The following CDK17 variants were observed in gnomAD, a reference collection of about 807,000 sequenced individuals.
The protein encoded by CDK17 is cyclin-dependent kinase 17.
CDK17 carries 24 observed loss-of-function variants against 77.6 expected under a neutral mutation model. That is an observed-to-expected ratio of 0.31 (90% CI 0.22 to 0.44). CDK17 has a LOEUF of 0.44. CDK17 is among the 20% of genes least tolerant of loss of function. The pLI is 1.00. For missense variants in CDK17, 429 were observed against 622.5 expected (o/e 0.69, Z 3.31); for synonymous variants, 203 against 210.4 (o/e 0.96, Z 0.30).
intron 2 of CDK17, among the ~76,000 whole-genome samples, chr12:96,331,582 T>C (rs983674570): frequency 2.0e-5 from 3 of 152,218 alleles, no homozygotes; most frequent in Non-Finnish European, 2.9e-5. Flanking sequence ...ATTTGATTTA[T>C]AGATTTATAA....
At chr12:96,300,924 TG>T (rs139772832) in intron 5 of CDK17, among the ~76,000 whole-genome samples, 47,080 of 152,042 alleles carry the variant, frequency 0.31, 7,626 homozygotes, top group East Asian at 0.58. Context: ...CATTCTGTCA[TG>T]AAAAATATTT....
At chr12:96,379,391 TAAAC>T (rs1953838562) in intron 1 of CDK17, among the ~76,000 whole-genome samples, 1 of 152,196 alleles carries the variant, frequency 6.6e-6, no homozygotes, top group South Asian at 2.1e-4. Flanking sequence ...TATTTATAGT[TAAAC>T]AAAAGCATCT....
chr12:96,316,694 C>CA (rs1479752688), intron 3 of CDK17, among the ~76,000 whole-genome samples: 2 of 126,802 alleles, frequency 1.6e-5, no homozygotes, highest in Non-Finnish European at 3.4e-5. Context: ...CCAGCAGGGG[C>CA]ACACTGACAC....
chr12:96,400,101 CG>C lies in CDK17; in HGVS notation c.-146del. On this transcript the variant is annotated 5_prime_UTR_variant, in exon 1 of 17. Transcript: ENST00000261211. Reference sequence around the variant, plus strand: ...AGTCCGGGTCTCAGCGGCCGGCAGACGTGAGGCGCTTCCGAGCGCAGGCCTC... The same window carrying C: ...AGTCCGGGTCTCAGCGGCCGGCAGACTGAGGCGCTTCCGAGCGCAGGCCTC... 2.5e-6 allele frequency: 1 copy of C among 392,180 alleles called. No individual in the cohort carries two copies. The highest frequency in any genetic ancestry group is 4.5e-6 in the Non-Finnish European group (1 of 221,826). The allele number at this position is 392,180 out of a possible 1,614,324, so 24.3% of individuals were successfully genotyped here.
intron 1 of CDK17, among the ~76,000 whole-genome samples, chr12:96,364,456 C>T (rs1953550911): frequency 6.6e-6 from 1 of 152,168 alleles, no homozygotes; most frequent in African/African-American, 2.4e-5. Context: ...AGTATATCAC[C>T]ATAATTCTAA....
chr12:96,375,678 G>C (rs1233683995), intron 1 of CDK17, among the ~76,000 whole-genome samples: 1 of 151,910 alleles, frequency 6.6e-6, no homozygotes, highest in African/African-American at 2.4e-5. Flanking sequence ...CTGAGTAGCT[G>C]GGATTACAGG....
chr12:96,339,937 T>C (rs907134109), intron 1 of CDK17, among the ~76,000 whole-genome samples: 1 of 151,654 alleles, frequency 6.6e-6, no homozygotes, highest in Non-Finnish European at 1.5e-5. Context: ...AATCAATCAA[T>C]AAAATAAAAT....
At chr12:96,299,625 G>A (rs1216911959) in intron 6 of CDK17, among the ~76,000 whole-genome samples, 1 of 152,086 alleles carries the variant, frequency 6.6e-6, no homozygotes, top group African/African-American at 2.4e-5. Context: ...TCCTGACCTC[G>A]TGATTCACCC....
At chr12:96,393,331 C>T (rs1220108001) in intron 1 of CDK17, among the ~76,000 whole-genome samples, 1 of 131,198 alleles carries the variant, frequency 7.6e-6, no homozygotes, top group Non-Finnish European at 1.5e-5. Context: ...TGCCATTGTA[C>T]TCCAGCCTGT....
intron 3 of CDK17, among the ~76,000 whole-genome samples, chr12:96,313,898 T>A (rs982008897): frequency 3.3e-5 from 5 of 152,226 alleles, no homozygotes; most frequent in African/African-American, 1.2e-4. Context: ...TCACTGGGTC[T>A]ATGGTTAAAT....
chr12:96,400,203 C>T lies in CDK17; in HGVS notation c.-247G>A. 5.1e-6 allele frequency: 2 copies of T among 394,730 alleles called. No homozygotes were observed. The highest frequency in any genetic ancestry group is 9.0e-6 in the Non-Finnish European group (2 of 223,442). The allele number at this position is 394,730 out of a possible 1,614,324, so 24.5% of individuals were successfully genotyped here. On this transcript the variant is annotated 5_prime_UTR_variant, in exon 1 of 17. Transcript: ENST00000261211. The stretch of plus-strand genomic sequence containing the variant: ...GGGGCCGCGGGTGTCTCACGCGTTG[C>T]CAAGTCCCTCGGTCAACATGGCTCC...
chr12:96,328,320 T>C (rs1019900334), intron 2 of CDK17, among the ~76,000 whole-genome samples: 9 of 152,204 alleles, frequency 5.9e-5, no homozygotes, highest in South Asian at 2.1e-4. Flanking sequence ...TTTCATTATA[T>C]ATTACAATAT....
chr12:96,320,613 T>C (rs1404288050), intron 3 of CDK17, among the ~76,000 whole-genome samples: 5 of 151,554 alleles, frequency 3.3e-5, no homozygotes, highest in Non-Finnish European at 7.4e-5. Flanking sequence ...AACAGAGATA[T>C]AGATCAATGG....
At chr12:96,363,796 G>T (rs946270066) in intron 1 of CDK17, among the ~76,000 whole-genome samples, 28 of 152,290 alleles carry the variant, frequency 1.8e-4, no homozygotes, top group African/African-American at 6.5e-4. Context: ...GTTGCTGCGA[G>T]CTGAGACATG....
intron 14 of CDK17, among the ~76,000 whole-genome samples, chr12:96,282,896 T>C (rs1952194974): frequency 6.6e-6 from 1 of 152,228 alleles, no homozygotes; most frequent in Admixed American, 6.5e-5. Flanking sequence ...ACCTGTGTAG[T>C]TACTTCTCTT....
intron 1 of CDK17, among the ~76,000 whole-genome samples, chr12:96,385,413 T>G (rs1375614894): frequency 6.6e-6 from 1 of 152,064 alleles, no homozygotes; most frequent in African/African-American, 2.4e-5. Flanking sequence ...CATACTATGC[T>G]CACTACCAGA....
At chr12:96,325,407 T>C (rs1952879983) in intron 2 of CDK17, among the ~76,000 whole-genome samples, 1 of 152,218 alleles carries the variant, frequency 6.6e-6, no homozygotes, top group Non-Finnish European at 1.5e-5. Flanking sequence ...GTTTCTCAAC[T>C]AAGGACAGGT....
At chr12:96,380,523 T>A (rs1261461974) in intron 1 of CDK17, among the ~76,000 whole-genome samples, 2 of 151,962 alleles carry the variant, frequency 1.3e-5, no homozygotes, top group Admixed American at 6.6e-5. Context: ...ACTCCTGACC[T>A]CGTGATCCAC....
intron 2 of CDK17, among the ~76,000 whole-genome samples, chr12:96,333,954 C>A (rs1043944367): frequency 3.3e-5 from 5 of 152,094 alleles, no homozygotes; most frequent in African/African-American, 9.7e-5. Context: ...AGTCCAGAGC[C>A]CACTCCACTA....
Sources: allele counts gnomAD v4.1 joint callset (sites outside exome capture counted in the v4.1 genomes callset), GRCh38; gene constraint gnomAD v4.1.1; transcripts MANE v1.5; gene names NCBI Gene and HGNC (gene_info 2026-07-23, HGNC 2026-07-21).